ZNF841: variants seen among roughly 807,000 people sequenced by gnomAD.
ZNF841 encodes TCONS_00006091.
In ZNF841, 11 loss-of-function variants were observed where a neutral mutation model predicts 13.0. The ratio of observed to expected loss-of-function variants is 0.85; its 90% CI spans 0.53 to 1.40. The LOEUF is 1.40. Among genes scored for constraint, ZNF841 ranks in the 40% most tolerant of loss-of-function variants. The pLI is 0.00. For synonymous variants in ZNF841, 369 were observed against 381.6 expected (o/e 0.97, Z 0.38); for missense variants, 1,068 against 1,139.5 (o/e 0.94, Z 0.90).
intron 6 of ZNF841, among the ~76,000 whole-genome samples, chr19:52,070,938 A>C (rs561910879): frequency 1.3e-5 from 2 of 152,292 alleles, no homozygotes; most frequent in East Asian, 3.9e-4. Flanking sequence ...ATATGTTAGG[A>C]AAGGCCCAGG....
In ZNF841 at chr19:52,067,234, A is replaced by G; in HGVS notation, c.648T>C (p.Asn216=). 3 of 1,550,048 alleles carry G rather than the reference A, an allele frequency of 1.9e-6. No homozygotes were observed. The highest frequency in any genetic ancestry group is 2.6e-6 in the Non-Finnish European group (3 of 1,146,574). The change falls in exon 7 of 7, where the codon AAT becomes AAC. Residue 216 remains asparagine, a synonymous_variant. Coordinates refer to ENST00000594440, the MANE Select transcript of ZNF841 (RefSeq NM_001136499.2). ...GCNQIERTVN[N]CFLASPLQRI... is the part of the protein sequence containing the mutation. Reference sequence around the variant, plus strand: ...TTTGAAGTGGTGAAGCTAAAAAACAATTATTAACTGTCCTCTCAATTTGAT... The same window carrying G: ...TTTGAAGTGGTGAAGCTAAAAAACAGTTATTAACTGTCCTCTCAATTTGAT...
rs538024398 is a variant in ZNF841, at chr19:52,077,794, T to C, written c.16-710A>G. 2.6e-5 allele frequency among the ~76,000 whole-genome samples: 4 copies of C among 152,336 alleles called. No individual in the cohort carries two copies. In the East Asian group the frequency reaches 5.8e-4, roughly 22 times the overall value. Reference sequence around the variant, plus strand: ...GAAATAAGAGAGACTAACTAACTTATGAACAACAGAAATGTATTTCTCATG... The same window carrying C: ...GAAATAAGAGAGACTAACTAACTTACGAACAACAGAAATGTATTTCTCATG... On this transcript the variant is annotated intron_variant, in intron 4 of 6. Transcript: ENST00000594440.
At chr19:52,089,029 C>T (rs535948321) in intron 2 of ZNF841, 27 bp from the exon 3 acceptor site, 5 of 152,094 alleles carry the variant, frequency 3.3e-5, no homozygotes, top group Non-Finnish European at 4.4e-5. Flanking sequence ...TTCATGAAGC[C>T]GTCACTGCAG....
At chr19:52,078,541 T>C (rs1600093063) in intron 4 of ZNF841, among the ~76,000 whole-genome samples, 1 of 151,500 alleles carries the variant, frequency 6.6e-6, no homozygotes, top group East Asian at 2.0e-4. Flanking sequence ...CTACTAAAAA[T>C]ACAAAAAATT....
chr19:52,084,185 T>C (rs944079383), intron 4 of ZNF841, among the ~76,000 whole-genome samples: 1 of 152,104 alleles, frequency 6.6e-6, no homozygotes, highest in African/African-American at 2.4e-5. Flanking sequence ...ATGGCTAAAT[T>C]AATCTGACAT....
chr19:52,075,358 C>G (rs750935284), intron 6 of ZNF841, among the ~76,000 whole-genome samples: 1 of 152,184 alleles, frequency 6.6e-6, no homozygotes, highest in Non-Finnish European at 1.5e-5. Flanking sequence ...CAGAGATACG[C>G]TCCCTGTGTA....
downstream of ZNF841, among the ~76,000 whole-genome samples, chr19:52,061,698 C>T (rs567612361): frequency 7.6e-4 from 116 of 152,284 alleles, no homozygotes; most frequent in African/African-American, 2.7e-3. Flanking sequence ...AGGCACACAC[C>T]ACCATGCCCA....
intron 1 of ZNF841, among the ~76,000 whole-genome samples, chr19:52,094,760 T>A (rs2088615348): frequency 6.6e-6 from 1 of 151,636 alleles, no homozygotes; most frequent in Admixed American, 6.6e-5. Flanking sequence ...CGGCTCCAAC[T>A]CTTTCACCTT....
chr19:52,068,539 G>C (rs1365656752), intron 6 of ZNF841, among the ~76,000 whole-genome samples: 1 of 151,912 alleles, frequency 6.6e-6, no homozygotes, highest in East Asian at 1.9e-4. Context: ...AGCCGGGTGT[G>C]GTGGCACGTG....
rs1401330889 is a variant in ZNF841, at chr19:52,065,745, C to T, written c.2137G>A (p.Glu713Lys). ...TTATGACTAAAAGTTCTACCACATT[C>T]ACTACATTTGTGTGGTTTCTCCCCA... ...PTGEKPHKCS[E>K]CGRTFSHKTS... The change falls in exon 7 of 7, where the codon GAA becomes AAA. Residue 713 changes from glutamate to lysine, a missense_variant. Transcript: ENST00000594440. 6.2e-7 allele frequency: 1 copy of T among 1,607,390 alleles called. No individual in the cohort carries two copies. Among genetic ancestry groups the T allele is most frequent in the Non-Finnish European group, 8.5e-7 (1 of 1,176,444 alleles).
In ZNF841 at chr19:52,083,484, T is replaced by A. The variant is rs576443202; in HGVS notation, c.15+1303A>T. On this transcript the variant is annotated intron_variant, in intron 4 of 6. Transcript: ENST00000594440. ...TTTCTCTTTGAGGATCTAAAAAAAA[T>A]AAAAATTCTTTGTATTTCCATTTTC... Among the ~76,000 whole-genome samples the A allele has an allele frequency of 1.9e-4, 29 of 151,514 alleles. 2 individuals carry two copies. In the South Asian group the frequency reaches 6.0e-3, roughly 32 times the overall value.
chr19:52,090,373 C>CTGTT (rs1205524441), intron 2 of ZNF841, among the ~76,000 whole-genome samples: 1 of 151,818 alleles, frequency 6.6e-6, no homozygotes, highest in East Asian at 1.9e-4. Flanking sequence ...CCAGCCTGGG[C>CTGTT]AACATAGTGA....
chr19:52,084,957 G>C (rs546028497), intron 3 of ZNF841, 79 bp from the exon 4 acceptor site: 18 of 752,226 alleles, frequency 2.4e-5, no homozygotes, highest in African/African-American at 3.6e-5. Flanking sequence ...CACAGGGAAG[G>C]CCTCAGCATG....
rs958157736 is a variant in ZNF841 at position 52,067,377 on chromosome 19, G to A, written c.505C>T (p.Arg169Ter). 2.5e-5 allele frequency: 38 copies of A among 1,547,810 alleles called. No individual in the cohort carries two copies. Among genetic ancestry groups the A allele is most frequent in the African/African-American group, 4.1e-5 (3 of 72,706 alleles). Residue 169 changes from arginine (R) to a stop codon, truncating the protein, a stop_gained, in exon 7 of 7, where the codon CGA becomes TGA. Transcript: ENST00000594440. LOFTEE classifies it low-confidence loss of function (END_TRUNC). Reference protein sequence around the residue: ...HKNNLTGQRVRHSQGDVENKH... With the variant: ...HKNNLTGQRV ...TTTTCTACGTCCCCTTGACTATGTCGAACTCTTTGACCAGTAAGATTGTTT... is the reference window on the plus strand; with the variant it reads ...TTTTCTACGTCCCCTTGACTATGTCAAACTCTTTGACCAGTAAGATTGTTT...
chr19:52,087,102 T>C (rs76717383), intron 3 of ZNF841, among the ~76,000 whole-genome samples: 6,396 of 152,310 alleles, frequency 0.042, 187 homozygotes, highest in African/African-American at 0.071. Context: ...TAATGGGCAA[T>C]ACACCACCAT....
At chr19:52,083,987 T>G (rs550714364) in intron 4 of ZNF841, among the ~76,000 whole-genome samples, 36 of 152,026 alleles carry the variant, frequency 2.4e-4, no homozygotes, top group Non-Finnish European at 4.0e-4. Flanking sequence ...ATATATCATG[T>G]GATGTTTAAA....
chr19:52,085,055 A>G (rs2088225137), intron 3 of ZNF841, among the ~76,000 whole-genome samples, 177 bp from the exon 4 acceptor site: 2 of 152,060 alleles, frequency 1.3e-5, no homozygotes. Flanking sequence ...TTTTCTTCAG[A>G]ACTTGTTCCC....
chr19:52,070,274 GA>G, intron 6 of ZNF841, among the ~76,000 whole-genome samples: 1 of 152,304 alleles, frequency 6.6e-6, no homozygotes, highest in South Asian at 2.1e-4. Flanking sequence ...AACCCACATG[GA>G]CCTAGGAGGA....
At chr19:52,075,411 C>T (rs1398962947) in intron 6 of ZNF841, among the ~76,000 whole-genome samples, 1 of 152,182 alleles carries the variant, frequency 6.6e-6, no homozygotes, top group Non-Finnish European at 1.5e-5. Flanking sequence ...ACTGTCTTTA[C>T]AATTCTTATA....
Sources: allele counts gnomAD v4.1 joint callset (sites outside exome capture counted in the v4.1 genomes callset), GRCh38; gene constraint gnomAD v4.1.1; transcripts MANE v1.5; gene names NCBI Gene and HGNC (gene_info 2026-07-23, HGNC 2026-07-21).